The following ARIH2 variants were observed in gnomAD, a reference collection of about 807,000 sequenced individuals.
ARIH2 encodes the protein ariadne RBR E3 ubiquitin protein ligase 2.
A neutral mutation model predicts 79.8 loss-of-function variants in ARIH2; 12 were observed. That is an observed-to-expected ratio of 0.15 (90% CI 0.10 to 0.24). The LOEUF (loss-of-function observed/expected upper bound fraction) is 0.24. Ranked by LOEUF, ARIH2 falls within the 10% of genes least tolerant of loss-of-function variation. The pLI is 1.00. For missense variants in ARIH2, 301 were observed against 618.3 expected (o/e 0.49, Z 5.44); for synonymous variants, 224 against 213.9 (o/e 1.05, Z -0.41).
chr3:48,943,170 A>G (rs1023859697), intron 3 of ARIH2: 2 of 152,112 alleles, frequency 1.3e-5, no homozygotes, highest in African/African-American at 4.8e-5. Flanking sequence ...TGATACATCC[A>G]CTAAAAGTAC....
chr3:48,936,805 G>A (rs763804004), intron 3 of ARIH2, among the ~76,000 whole-genome samples: 10 of 151,866 alleles, frequency 6.6e-5, no homozygotes, highest in Non-Finnish European at 1.3e-4. Flanking sequence ...CAAGGCGGGC[G>A]GATCACGAGG....
chr3:48,961,461 T>C (rs2091253762), intron 3 of ARIH2, 151 bp from the exon 4 acceptor site: 3 of 523,052 alleles, frequency 5.7e-6, no homozygotes, highest in Non-Finnish European at 3.5e-6. Flanking sequence ...GAGTCTAAAC[T>C]TAAAAGACAA....
chr3:48,965,034 C>A, intron 5 of ARIH2, 52 bp downstream of exon 5: 1 of 1,557,936 alleles, frequency 6.4e-7, no homozygotes, highest in Non-Finnish European at 8.8e-7. Context: ...GTGGTTCTTG[C>A]TTTGGCTTGC....
chr3:48,951,367 A>G (rs570634464), intron 3 of ARIH2, among the ~76,000 whole-genome samples: 4 of 152,168 alleles, frequency 2.6e-5, no homozygotes, highest in East Asian at 1.9e-4. Flanking sequence ...TGCAATGGCA[A>G]ATTTTTAAAT....
chr3:48,919,130 C>T lies in ARIH2; in HGVS notation c.-162+132C>T, dbSNP rs946167681. The T allele has an allele frequency of 3.1e-6, 4 of 1,299,384 alleles. No individual in the cohort carries two copies. In the African/African-American group the frequency reaches 4.6e-5, roughly 15 times the overall value. 80.5% of individuals were successfully genotyped at this position (1,299,384 alleles called of 1,614,324 possible). On this transcript the variant is annotated intron_variant, in intron 1 of 15. Transcript: ENST00000356401. ...CGGGAGGCCCGGGCGCTCCCCGTCG[C>T]CGGCACGTTGTCCGAGCATTACCCG...
At chr3:48,944,979 T>C (rs1219088929) in intron 3 of ARIH2, 19 of 499,784 alleles carry the variant, frequency 3.8e-5, no homozygotes, top group Non-Finnish European at 5.8e-5. Flanking sequence ...TTCTGCTTTT[T>C]AGTGAGTGAC....
Position 48,934,836 on chromosome 3 carries a change from T to G in ARIH2, c.255+7023T>G, listed in dbSNP as rs1359601522. 8 of 985,344 alleles carry G rather than the reference T, an allele frequency of 8.1e-6. No individual in the cohort carries two copies. In the Admixed American group the frequency reaches 2.5e-4, roughly 30 times the overall value. 61.0% of individuals were successfully genotyped at this position (985,344 alleles called of 1,614,324 possible). Reference sequence around the variant, plus strand: ...TACCATACAAAACATGCTCATCATCTTCCAGAAAAGAAGCTCTTCATCAGA... The same window carrying G: ...TACCATACAAAACATGCTCATCATCGTCCAGAAAAGAAGCTCTTCATCAGA... On this transcript the variant is annotated intron_variant, in intron 3 of 15. Transcript: ENST00000356401.
At chr3:48,964,505 G>A (rs1362425416) in intron 4 of ARIH2, among the ~76,000 whole-genome samples, 2 of 150,610 alleles carry the variant, frequency 1.3e-5, no homozygotes, top group Admixed American at 6.7e-5. Flanking sequence ...TAGTAGAGAC[G>A]GGTTTCACCA....
chr3:48,939,560 A>G (rs942334305), intron 3 of ARIH2, among the ~76,000 whole-genome samples: 1 of 150,756 alleles, frequency 6.6e-6, no homozygotes, highest in African/African-American at 2.4e-5. Context: ...GATAGAGACC[A>G]TCCCGGCTAA....
At chr3:48,956,439 CTTTTTTTTTTTTTTTTTTTTT>C (rs34693818) in intron 3 of ARIH2, among the ~76,000 whole-genome samples, 2 of 36,260 alleles carry the variant, frequency 5.5e-5, no homozygotes, top group Non-Finnish European at 1.0e-4. Context: ...GCGCCCGGCA[CTTTTTTTTTTTTTTTTTTTTT>C]TTTTTTTTTT....
At chr3:48,957,646 G>A (rs752850992) in intron 3 of ARIH2, among the ~76,000 whole-genome samples, 18 of 152,210 alleles carry the variant, frequency 1.2e-4, no homozygotes, top group Non-Finnish European at 1.8e-4. Context: ...CTGGGTATGA[G>A]AAGAAAGAAA....
chr3:48,973,597 AAAG>A (rs1169779750), intron 8 of ARIH2, 99 bp from the exon 9 acceptor site: 5 of 813,274 alleles, frequency 6.1e-6, no homozygotes, highest in South Asian at 5.0e-5. Context: ...AAAAAAGAAA[AAAG>A]CTCTAATTCA....
rs80214518 is a variant in ARIH2 at position 48,927,550 on chromosome 3, G to C, written c.-9G>C. 2,269 of 1,611,486 alleles carry C rather than the reference G, an allele frequency of 1.4e-3. 37 individuals are homozygous for C. In the African/African-American group the frequency reaches 0.024, roughly 17 times the overall value. On this transcript the variant is annotated 5_prime_UTR_variant, in exon 3 of 16. Coordinates refer to ENST00000356401, the MANE Select transcript of ARIH2 (RefSeq NM_006321.4). ...GCTTTCCTGATCTGCAACTTGGCTGGATGCTAAGATGTCAGTGGACATGAA... is the reference window on the plus strand; with the variant it reads ...GCTTTCCTGATCTGCAACTTGGCTGCATGCTAAGATGTCAGTGGACATGAA...
chr3:48,972,654 A>T (rs1049558744), intron 8 of ARIH2, among the ~76,000 whole-genome samples: 10 of 152,128 alleles, frequency 6.6e-5, no homozygotes, highest in Non-Finnish European at 1.2e-4. Context: ...CAGAAAAAAA[A>T]TTGTAGAGAC....
rs777544046 is a variant in ARIH2, at chr3:48,970,556, A to G, written c.661-39A>G. On this transcript the variant is annotated intron_variant, in intron 7 of 15. Transcript: ENST00000356401. ...GGGTTCTGATTTTTAGACAGCAACTAAGAGATGTCCTCATTGTTTCCTCTT... is the reference window on the plus strand; with the variant it reads ...GGGTTCTGATTTTTAGACAGCAACTGAGAGATGTCCTCATTGTTTCCTCTT... The G allele has an allele frequency of 3.5e-5, 49 of 1,395,244 alleles. No individual in the cohort carries two copies. In the South Asian group the frequency reaches 4.5e-4, roughly 13 times the overall value. The allele number at this position is 1,395,244 out of a possible 1,614,324, so 86.4% of individuals were successfully genotyped here. A position where few individuals can be genotyped will look rare whatever the true frequency, so the allele number is the denominator to read the frequency against.
Position 48,923,399 on chromosome 3 carries a change from C to CAAAA in ARIH2, c.-98+598_-98+601dup, listed in dbSNP as rs1163764739. 3.2e-5 allele frequency among the ~76,000 whole-genome samples: 3 copies of CAAAA among 94,956 alleles called. No individual in the cohort carries two copies. The South Asian group carries it at 9.6e-4, about 30-fold the overall frequency. The allele number at this position is 94,956 out of a possible 152,430, so 62.3% of individuals were successfully genotyped here. The stretch of plus-strand genomic sequence containing the variant: ...AGGGTGACAGAGTGAGACTCTGTCT[C>CAAAA]AAAAAAAAAAAAAGGTCAGACTGCA... On this transcript the variant is annotated intron_variant, in intron 2 of 15. Coordinates refer to ENST00000356401, the MANE Select transcript of ARIH2 (RefSeq NM_006321.4).
At chr3:48,965,232 C>G (rs2091668107) in intron 5 of ARIH2, among the ~76,000 whole-genome samples, 1 of 151,494 alleles carries the variant, frequency 6.6e-6, no homozygotes, top group African/African-American at 2.4e-5. Flanking sequence ...TGGTGGCAGG[C>G]ACCTGTAGTC....
At chr3:48,938,143 G>A (rs1035609782) in intron 3 of ARIH2, among the ~76,000 whole-genome samples, 4 of 151,888 alleles carry the variant, frequency 2.6e-5, no homozygotes, top group African/African-American at 9.7e-5. Flanking sequence ...ATGATGTAGA[G>A]ATGACTGATG....
intron 5 of ARIH2, 38 bp downstream of exon 5, chr3:48,965,020 G>T (rs2091633001): frequency 1.3e-6 from 2 of 1,589,330 alleles, no homozygotes; most frequent in Non-Finnish European, 1.7e-6. Context: ...TCTCCTAATT[G>T]CATGTGGTTC....
Sources: allele counts gnomAD v4.1 joint callset (sites outside exome capture counted in the v4.1 genomes callset), GRCh38; gene constraint gnomAD v4.1.1; transcripts MANE v1.5; gene names NCBI Gene and HGNC (gene_info 2026-07-23, HGNC 2026-07-21).